ROCK1: variants seen among roughly 807,000 people sequenced by gnomAD.
ROCK1 encodes the protein Rho associated coiled-coil containing protein kinase 1.
A neutral mutation model predicts 196.8 loss-of-function variants in ROCK1; 36 were observed. The ratio of observed to expected loss-of-function variants is 0.18; its 90% CI spans 0.14 to 0.24. The LOEUF is 0.24. Ranked by LOEUF, ROCK1 falls within the 10% of genes least tolerant of loss-of-function variation. The pLI is 1.00. For synonymous variants in ROCK1, 443 were observed against 515.9 expected, an observed-to-expected ratio of 0.86 and a Z score of 1.91; for missense variants, 920 against 1,562.0, an observed-to-expected ratio of 0.59 and a Z score of 6.93.
intron 13 of ROCK1, among the ~76,000 whole-genome samples, chr18:21,012,805 C>T (rs2035830295): frequency 6.6e-6 from 1 of 152,090 alleles, no homozygotes; most frequent in South Asian, 2.1e-4. Context: ...GTCCCAGAGG[C>T]TCTGTCACTT....
intron 1 of ROCK1, 116 bp downstream of exon 1, chr18:21,110,702 A>G (rs2036743272): frequency 2.5e-6 from 2 of 802,186 alleles, no homozygotes; most frequent in Non-Finnish European, 4.2e-6. Flanking sequence ...ACAGAAATCT[A>G]GCATTTTCCA....
intron 32 of ROCK1, chr18:20,953,254 A>G (rs1379595260): frequency 5.1e-6 from 1 of 195,114 alleles, no homozygotes; most frequent in Non-Finnish European, 1.0e-5. Context: ...AAAAAACAGA[A>G]AAGATGATGA....
intron 5 of ROCK1, among the ~76,000 whole-genome samples, chr18:21,044,647 T>G (rs779614668): frequency 1.3e-5 from 2 of 152,212 alleles, no homozygotes; most frequent in Non-Finnish European, 2.9e-5. Flanking sequence ...AAATACGACC[T>G]ATTCACTAAT....
At chr18:21,027,342 T>C (rs890405750) in intron 10 of ROCK1, among the ~76,000 whole-genome samples, 2 of 152,234 alleles carry the variant, frequency 1.3e-5, no homozygotes, top group African/African-American at 2.4e-5. Context: ...TTATTCATCC[T>C]TCTCCATGCA....
intron 1 of ROCK1, among the ~76,000 whole-genome samples, chr18:21,083,499 A>T (rs976330583): frequency 6.6e-6 from 1 of 152,060 alleles, no homozygotes; most frequent in Non-Finnish European, 1.5e-5. Context: ...CTCAAACAAC[A>T]TAAGTTTCAA....
At chr18:21,104,915 T>C (rs933016519) in intron 1 of ROCK1, among the ~76,000 whole-genome samples, 3 of 152,182 alleles carry the variant, frequency 2.0e-5, no homozygotes, top group African/African-American at 4.8e-5. Flanking sequence ...TCAGTTACAA[T>C]TGGCTTAGAC....
At chr18:21,034,880 A>C (rs2036043136) in intron 9 of ROCK1, among the ~76,000 whole-genome samples, 1 of 152,232 alleles carries the variant, frequency 6.6e-6, no homozygotes, top group African/African-American at 2.4e-5. Context: ...GTATCTGATA[A>C]GAGATTAATA....
At chr18:21,042,315 C>A in intron 7 of ROCK1, 80 bp from the exon 8 acceptor site, 1 of 1,295,026 alleles carries the variant, frequency 7.7e-7, no homozygotes, top group South Asian at 1.5e-5. Flanking sequence ...GTCAAAGTTA[C>A]CCGTTTAAAA....
At chr18:21,028,266 A>C (rs1003921268) in intron 10 of ROCK1, among the ~76,000 whole-genome samples, 2 of 151,388 alleles carry the variant, frequency 1.3e-5, no homozygotes, top group African/African-American at 4.8e-5. Flanking sequence ...AAATACAAAA[A>C]TTAGCTGGGT....
At chr18:21,094,036 C>T (rs1391668974) in intron 1 of ROCK1, among the ~76,000 whole-genome samples, 2 of 151,944 alleles carry the variant, frequency 1.3e-5, no homozygotes, top group Admixed American at 6.6e-5. Context: ...TCCTCCAGAG[C>T]TCTATACTCA....
intron 12 of ROCK1, among the ~76,000 whole-genome samples, chr18:21,015,981 A>G (rs2035859769): frequency 1.3e-5 from 2 of 149,054 alleles, no homozygotes; most frequent in South Asian, 2.1e-4. Context: ...CTCCATCTCA[A>G]AAAAAAAAAA....
chr18:21,061,543 G>A (rs2036290929), intron 2 of ROCK1, among the ~76,000 whole-genome samples: 1 of 152,182 alleles, frequency 6.6e-6, no homozygotes, highest in Non-Finnish European at 1.5e-5. Flanking sequence ...TGGTATTGGG[G>A]TGTTGCAGAC....
intron 29 of ROCK1, among the ~76,000 whole-genome samples, chr18:20,959,084 ATTTT>A (rs2035289580): frequency 2.7e-5 from 1 of 36,472 alleles, no homozygotes; most frequent in African/African-American, 1.7e-4. Flanking sequence ...TAATATATAT[ATTTT>A]ATATAATATA....
Position 20,969,121 on chromosome 18 carries a change from C to T in ROCK1, c.2908G>A (p.Glu970Lys). The T allele has an allele frequency of 1.3e-6, 2 of 1,574,352 alleles. No homozygotes were observed. Among genetic ancestry groups the T allele is most frequent in the Non-Finnish European group, 1.7e-6 (2 of 1,152,098 alleles). The change falls in exon 24 of 33, where the codon GAG becomes AAG. Residue 970 changes from glutamate (E) to lysine (K), a missense_variant. Transcript: ENST00000399799. ...EELTEKMKKA[E>K]EEYKLEKEEE... ...TTTTAAAAATTCTACATACCTTCCTCTGCCTTCTTCATTTTCTCTGTTAGC... is the reference window on the plus strand; with the variant it reads ...TTTTAAAAATTCTACATACCTTCCTTTGCCTTCTTCATTTTCTCTGTTAGC...
chr18:21,043,503 T>C (rs1454780526), intron 6 of ROCK1, among the ~76,000 whole-genome samples: 1 of 148,692 alleles, frequency 6.7e-6, no homozygotes, highest in Non-Finnish European at 1.5e-5. Context: ...CCTTCAGCTG[T>C]GTATATGTTA....
chr18:21,088,138 A>C (rs1407867138), intron 1 of ROCK1, among the ~76,000 whole-genome samples: 1 of 152,246 alleles, frequency 6.6e-6, no homozygotes, highest in Non-Finnish European at 1.5e-5. Context: ...ACAACACTGG[A>C]ATTTGTGGAA....
chr18:20,977,987 G>A (rs575609878), intron 22 of ROCK1, among the ~76,000 whole-genome samples: 4 of 152,130 alleles, frequency 2.6e-5, no homozygotes, highest in African/African-American at 4.8e-5. Context: ...GTTTATACCC[G>A]CTGTGATGCT....
intron 9 of ROCK1, among the ~76,000 whole-genome samples, chr18:21,031,560 G>A (rs552437371): frequency 6.2e-4 from 90 of 144,564 alleles, no homozygotes; most frequent in African/African-American, 2.1e-3. Context: ...AGCTAAGATC[G>A]TGCCACTGCA....
At chr18:20,988,718 AC>A (rs889906689) in intron 18 of ROCK1, among the ~76,000 whole-genome samples, 1 of 151,896 alleles carries the variant, frequency 6.6e-6, no homozygotes. Context: ...CTTCCTCAGA[AC>A]CCCCATCCAG....
Sources: gnomAD v4.1 joint callset for allele counts (sites outside exome capture counted in the v4.1 genomes callset) on GRCh38, gnomAD v4.1.1 for gene constraint, MANE v1.5 for transcripts, NCBI Gene and HGNC (gene_info 2026-07-23, HGNC 2026-07-21) for gene names.